Variants in RGL1 observed in about 807,000 individuals in gnomAD.
The protein encoded by RGL1 is ral guanine nucleotide dissociation stimulator-like 1.
In RGL1, 24 loss-of-function variants were observed where a neutral mutation model predicts 95.2. The ratio of observed to expected loss-of-function variants is 0.25; its 90% CI spans 0.18 to 0.35. RGL1 has a LOEUF of 0.35. RGL1 is among the 10% of genes least tolerant of loss of function. The pLI is 1.00. For missense variants in RGL1, 715 were observed against 936.3 expected, an observed-to-expected ratio of 0.76 and a Z score of 3.08; for synonymous variants, 329 against 344.9, an observed-to-expected ratio of 0.95 and a Z score of 0.51.
intron 15 of RGL1, 109 bp from the exon 16 acceptor site, chr1:183,916,338 G>A: frequency 6.8e-6 from 9 of 1,322,776 alleles, no homozygotes; most frequent in East Asian, 2.3e-5. Flanking sequence ...TGTTGTGGAG[G>A]AAATAACTGC....
chr1:183,884,876 G>A lies in RGL1; in HGVS notation c.889G>A (p.Gly297Ser). The change falls in exon 7 of 18, where the codon GGC becomes AGC. Residue 297 changes from glycine to serine, a missense_variant. By Grantham distance (56) the Gly-to-Ser change is moderately conservative. Around this residue, in one of 3 missense-constraint regions of RGL1, gnomAD observed 381 missense variants for 484.8 expected, o/e 0.79. Coordinates refer to ENST00000360851, the MANE Select transcript of RGL1 (RefSeq NM_001297671.3). ...ATGTGTTGTCAGCACCATCCTGGGG[G>A]GCAAAGAACTCAAAACTCAGCAGAG... ...TKCVVSTILG[G>S]KELKTQQRAK... The A allele has an allele frequency of 1.9e-6, 3 of 1,614,048 alleles. No individual in the cohort carries two copies. The highest frequency in any genetic ancestry group is 2.5e-6 in the Non-Finnish European group (3 of 1,179,988).
chr1:183,882,199 C>A (rs1666862488), intron 5 of RGL1, among the ~76,000 whole-genome samples: 1 of 152,238 alleles, frequency 6.6e-6, no homozygotes, highest in Admixed American at 6.5e-5. Context: ...AAGCAGAAAA[C>A]AGTGAAGGCA....
rs564211746 is a variant in RGL1 at position 183,870,854 on chromosome 1, A to G, written c.425+4781A>G. Among the ~76,000 whole-genome samples the G allele has an allele frequency of 3.3e-5, 5 of 152,304 alleles. No individual in the cohort carries two copies. The South Asian group carries it at 6.2e-4, about 19-fold the overall frequency. On this transcript the variant is annotated intron_variant, in intron 4 of 17. Transcript: ENST00000360851. ...CTCTTTTTATAAGTAGCTGAATCAA[A>G]TGTGGAAGTGATTCAGAGGCAGCCA...
chr1:183,769,533 A>G (rs1659168853), intron 2 of RGL1, among the ~76,000 whole-genome samples: 1 of 152,270 alleles, frequency 6.6e-6, no homozygotes, highest in South Asian at 2.1e-4. Context: ...TTTTATTTAT[A>G]AGCCAATTTG....
chr1:183,662,822 C>G (rs1440608564), intron 1 of RGL1, among the ~76,000 whole-genome samples: 1 of 152,124 alleles, frequency 6.6e-6, no homozygotes, highest in African/African-American at 2.4e-5. Context: ...TACTACAAGG[C>G]TACAGTAACC....
chr1:183,858,291 G>A (rs1665288555), intron 3 of RGL1, among the ~76,000 whole-genome samples: 1 of 152,098 alleles, frequency 6.6e-6, no homozygotes, highest in African/African-American at 2.4e-5. Context: ...CTGTAAGAAT[G>A]TACTAAAAAC....
chr1:183,885,248 T>C (rs777977713), intron 7 of RGL1, among the ~76,000 whole-genome samples: 4 of 152,220 alleles, frequency 2.6e-5, no homozygotes, highest in Non-Finnish European at 5.9e-5. Context: ...ACGACAAGAC[T>C]GAGTGTTGGT....
At chr1:183,829,030 C>A (rs1415896033) in intron 2 of RGL1, among the ~76,000 whole-genome samples, 1 of 152,154 alleles carries the variant, frequency 6.6e-6, no homozygotes, top group Non-Finnish European at 1.5e-5. Flanking sequence ...GGTTCTTAAT[C>A]ATCAATGCTT....
rs369191576 is a variant in RGL1 at position 183,926,626 on chromosome 1, T to C, written c.*334T>C. 1.7e-3 allele frequency: 269 copies of C among 159,104 alleles called. 1 individual carries two copies. Among genetic ancestry groups the C allele is most frequent in the African/African-American group, 6.1e-3 (255 of 41,696 alleles). The allele number at this position is 159,104 out of a possible 1,614,324, so 9.9% of individuals were successfully genotyped here. On this transcript the variant is annotated 3_prime_UTR_variant, in exon 18 of 18. Coordinates refer to ENST00000360851, the MANE Select transcript of RGL1 (RefSeq NM_001297671.3). The stretch of plus-strand genomic sequence containing the variant: ...ATAAGAGGGACTTTATGGGATAGTA[T>C]GGACTATGGAAAAACAAATTTGCAC...
intron 2 of RGL1, 107 bp from the exon 3 acceptor site, chr1:183,847,459 A>G: frequency 1.1e-6 from 1 of 919,866 alleles, no homozygotes; most frequent in Non-Finnish European, 1.7e-6. Context: ...TAAATAAATA[A>G]GAATGAGAGG....
chr1:183,818,895 G>T (rs10797913), intron 2 of RGL1, among the ~76,000 whole-genome samples: 277 of 152,258 alleles, frequency 1.8e-3, no homozygotes, highest in African/African-American at 6.5e-3. Flanking sequence ...AAAAGAAAGT[G>T]ATGCTTTTGC....
At chr1:183,759,955 A>G (rs988485257) in intron 2 of RGL1, among the ~76,000 whole-genome samples, 1 of 152,206 alleles carries the variant, frequency 6.6e-6, no homozygotes, top group Non-Finnish European at 1.5e-5. Flanking sequence ...ATATCTCTGC[A>G]TATCTATCTT....
intron 2 of RGL1, among the ~76,000 whole-genome samples, chr1:183,761,207 A>G (rs1261344219): frequency 2.0e-5 from 3 of 152,236 alleles, no homozygotes; most frequent in Admixed American, 1.3e-4. Flanking sequence ...TTACTTTCCT[A>G]GATCCATCAG....
At chr1:183,776,195 C>CT (rs1262056646) in intron 2 of RGL1, among the ~76,000 whole-genome samples, 7 of 131,674 alleles carry the variant, frequency 5.3e-5, no homozygotes, top group African/African-American at 1.8e-4. Flanking sequence ...GTCGCCCAGG[C>CT]TGGAGTGCAG....
rs114710275 is a variant in RGL1, at chr1:183,769,583, A to T, written c.132+27294A>T. Among the ~76,000 whole-genome samples, 1,239 of 152,390 alleles carry T rather than the reference A, an allele frequency of 8.1e-3. 19 individuals are homozygous for T. The highest frequency in any genetic ancestry group is 0.028 in the African/African-American group (1,147 of 41,598). On this transcript the variant is annotated intron_variant, in intron 2 of 18. Transcript: ENST00000304685. ...TAACATAATAAATGTTACACAATAC[A>T]TAAACATGTAAACATGATACACAAA... is the stretch of plus-strand genomic sequence containing the variant.
intron 14 of RGL1, among the ~76,000 whole-genome samples, chr1:183,911,572 AT>A (rs1668643748): frequency 6.6e-6 from 1 of 152,236 alleles, no homozygotes; most frequent in Non-Finnish European, 1.5e-5. Context: ...GCCTGTAGGG[AT>A]TTCCCTTCCT....
At chr1:183,757,530 G>A (rs1213573833) in intron 2 of RGL1, among the ~76,000 whole-genome samples, 1 of 152,092 alleles carries the variant, frequency 6.6e-6, no homozygotes, top group African/African-American at 2.4e-5. Context: ...TTACTTTCTA[G>A]GAAGTTATTA....
chr1:183,784,275 C>T lies in RGL1; in HGVS notation c.133-22100C>T, dbSNP rs187458054. 5.8e-4 allele frequency among the ~76,000 whole-genome samples: 88 copies of T among 152,222 alleles called. 1 individual carries two copies. Among genetic ancestry groups the T allele is most frequent in the African/African-American group, 2.0e-3 (85 of 41,520 alleles). Reference sequence around the variant, plus strand: ...GTACTGAGAGGTAGGAGACAAGTCTCAAGGAGGGAAGGTGCCTGATACTGG... The same window carrying T: ...GTACTGAGAGGTAGGAGACAAGTCTTAAGGAGGGAAGGTGCCTGATACTGG... On this transcript the variant is annotated intron_variant, in intron 2 of 18. Coordinates refer to the RGL1 transcript ENST00000304685.
At chr1:183,687,477 T>C (rs947336090) in intron 1 of RGL1, among the ~76,000 whole-genome samples, 1 of 152,236 alleles carries the variant, frequency 6.6e-6, no homozygotes, top group African/African-American at 2.4e-5. Context: ...GTTCTTGAGA[T>C]TGATATTAGA....
Sources: gnomAD v4.1 joint callset for allele counts (sites outside exome capture counted in the v4.1 genomes callset) on GRCh38, gnomAD v4.1.1 for gene constraint, gnomAD v4.1.1 regional missense constraint, MANE v1.5 for transcripts, NCBI Gene and HGNC (gene_info 2026-07-23, HGNC 2026-07-21) for gene names.